The following SLC44A5 variants were observed in gnomAD, a reference collection of about 807,000 sequenced individuals.
SLC44A5 encodes the protein solute carrier family 44 member 5.
Under a neutral mutation model 101.8 loss-of-function variants are expected in SLC44A5, and 57 were observed. The observed-to-expected ratio is 0.56, with a 90% CI of 0.45 to 0.70. The LOEUF is 0.70. SLC44A5 is among the 30% of genes least tolerant of loss of function. The probability of loss-of-function intolerance (pLI) is 0.00; values close to 1 mark genes in which losing one functional copy is unlikely to be tolerated. For missense variants in SLC44A5, 737 were observed against 853.1 expected (o/e 0.86, Z 1.70); for synonymous variants, 281 against 290.9 (o/e 0.97, Z 0.35).
chr1:75,334,931 T>G (rs1238754787), intron 4 of SLC44A5, among the ~76,000 whole-genome samples: 1 of 152,156 alleles, frequency 6.6e-6, no homozygotes, highest in Admixed American at 6.5e-5. Context: ...TAATACCACG[T>G]TGTAGTTAGT....
chr1:75,439,483 T>A (rs1665072879), intron 2 of SLC44A5, among the ~76,000 whole-genome samples: 3 of 152,158 alleles, frequency 2.0e-5, no homozygotes. Flanking sequence ...CTCAGGAGGC[T>A]GAGGCAGGAG....
the SLC44A5 span, among the ~76,000 whole-genome samples, chr1:75,677,447 T>C: frequency 3.3e-5 from 5 of 152,192 alleles, no homozygotes; most frequent in Admixed American, 2.0e-4. Flanking sequence ...GTAAGCCTCA[T>C]GGTAACCTCA....
At chr1:75,339,939 T>C (rs1657744857) in intron 3 of SLC44A5, among the ~76,000 whole-genome samples, 1 of 152,122 alleles carries the variant, frequency 6.6e-6, no homozygotes, top group Non-Finnish European at 1.5e-5. Context: ...TTGAAGACTT[T>C]ATGGTCTGCA....
intron 2 of SLC44A5, among the ~76,000 whole-genome samples, chr1:75,449,869 CG>C (rs1557796441): frequency 6.6e-6 from 1 of 151,944 alleles, no homozygotes; most frequent in Non-Finnish European, 1.5e-5. Flanking sequence ...GGCATGCTGG[CG>C]CATGCCTGTA....
chr1:75,359,295 C>T (rs1473675123), intron 3 of SLC44A5, among the ~76,000 whole-genome samples: 5 of 138,562 alleles, frequency 3.6e-5, no homozygotes, highest in Admixed American at 7.9e-5. Flanking sequence ...AGTACGGTGG[C>T]GTGATGTCAG....
At chr1:75,457,046 C>A (rs1006560654) in intron 2 of SLC44A5, among the ~76,000 whole-genome samples, 16 of 152,180 alleles carry the variant, frequency 1.1e-4, no homozygotes, top group African/African-American at 3.9e-4. Context: ...GATTATAGAA[C>A]TGCAAAGGCT....
intron 5 of SLC44A5, among the ~76,000 whole-genome samples, chr1:75,299,846 T>TA (rs956929410): frequency 2.2e-3 from 136 of 61,828 alleles, no homozygotes; most frequent in South Asian, 0.012. Context: ...TTGTCTCTAC[T>TA]AAAAAAAAAA....
chr1:75,710,195 A>T, the SLC44A5 span: 1 of 152,056 alleles, frequency 6.6e-6, no homozygotes, highest in African/African-American at 2.4e-5. Context: ...ATATATCAAA[A>T]CTCATTCAAG....
At chr1:75,322,815 G>C (rs1246318089) in intron 4 of SLC44A5, among the ~76,000 whole-genome samples, 1 of 152,132 alleles carries the variant, frequency 6.6e-6, no homozygotes, top group African/African-American at 2.4e-5. Flanking sequence ...TCATAACCTA[G>C]ACCTGGATTC....
intron 2 of SLC44A5, among the ~76,000 whole-genome samples, chr1:75,409,141 T>C (rs956125246): frequency 6.6e-6 from 1 of 152,120 alleles, no homozygotes; most frequent in Non-Finnish European, 1.5e-5. Flanking sequence ...TGAGTCCACA[T>C]GGACATAAAG....
At chr1:75,651,512 C>T in the SLC44A5 span, among the ~76,000 whole-genome samples, 63 of 151,902 alleles carry the variant, frequency 4.1e-4, no homozygotes, top group East Asian at 9.1e-3. Context: ...CTGGCTAACA[C>T]GGTGAAACCT....
chr1:75,483,584 A>C (rs994900926), intron 2 of SLC44A5, among the ~76,000 whole-genome samples: 16 of 152,186 alleles, frequency 1.1e-4, no homozygotes, highest in Non-Finnish European at 2.1e-4. Context: ...GAAATAAGAA[A>C]ATAAGAAATT....
At chr1:75,578,861 A>G (rs1234450167) in intron 1 of SLC44A5, among the ~76,000 whole-genome samples, 2 of 152,186 alleles carry the variant, frequency 1.3e-5, no homozygotes, top group Non-Finnish European at 2.9e-5. Flanking sequence ...CAATGGATAT[A>G]TATATAAAAT....
At chr1:75,700,843 GA>G in the SLC44A5 span, among the ~76,000 whole-genome samples, 212 of 152,288 alleles carry the variant, frequency 1.4e-3, no homozygotes, top group African/African-American at 4.9e-3. Context: ...CAATCACACA[GA>G]AATACAAACT....
chr1:75,466,769 C>G (rs1180930443), intron 2 of SLC44A5, among the ~76,000 whole-genome samples: 1 of 151,516 alleles, frequency 6.6e-6, no homozygotes, highest in Non-Finnish European at 1.5e-5. Flanking sequence ...AGCCTTTCCT[C>G]TAAGATCTGG....
chr1:75,434,693 A>G (rs961674002), intron 2 of SLC44A5, among the ~76,000 whole-genome samples: 1 of 151,540 alleles, frequency 6.6e-6, no homozygotes, highest in African/African-American at 2.4e-5. Flanking sequence ...CACGCCTCCC[A>G]CCTATCTGCC....
At chr1:75,514,191 C>T (rs898374992) in intron 2 of SLC44A5, among the ~76,000 whole-genome samples, 1 of 152,150 alleles carries the variant, frequency 6.6e-6, no homozygotes, top group Non-Finnish European at 1.5e-5. Flanking sequence ...CTGGTTGGCT[C>T]TTGTTTAATG....
the SLC44A5 span, among the ~76,000 whole-genome samples, chr1:75,674,340 G>T: frequency 6.6e-6 from 1 of 152,158 alleles, no homozygotes; most frequent in Non-Finnish European, 1.5e-5. Context: ...TGAGCTTGAA[G>T]ATAAGCTATT....
chr1:75,296,588 A>G (rs1653984354), intron 5 of SLC44A5, among the ~76,000 whole-genome samples: 1 of 151,982 alleles, frequency 6.6e-6, no homozygotes, highest in Admixed American at 6.6e-5. Context: ...CATTTCCTGC[A>G]TCCCTCATTA....
Sources: allele counts gnomAD v4.1 joint callset (sites outside exome capture counted in the v4.1 genomes callset), GRCh38; gene constraint gnomAD v4.1.1; transcripts MANE v1.5; gene names NCBI Gene and HGNC (gene_info 2026-07-23, HGNC 2026-07-21).